Variants in PLCD4 observed in about 807,000 individuals in gnomAD.
PLCD4 encodes 1-phosphatidylinositol 4,5-bisphosphate phosphodiesterase delta-4.
In PLCD4, 63 loss-of-function variants were observed where a neutral mutation model predicts 90.2. That is an observed-to-expected ratio of 0.70 (90% CI 0.57 to 0.86). PLCD4 has a LOEUF of 0.86. Ranked by LOEUF, PLCD4 falls within the 40% of genes least tolerant of loss-of-function variation. The probability of loss-of-function intolerance (pLI) is 0.00; values close to 1 mark genes in which losing one functional copy is unlikely to be tolerated. For synonymous variants in PLCD4, 294 were observed against 356.5 expected (o/e 0.82, Z 1.97); for missense variants, 830 against 956.3 (o/e 0.87, Z 1.74).
chr2:218,628,041 A>C lies in PLCD4; in HGVS notation c.785A>C (p.His262Pro), dbSNP rs1215637192. The change falls in exon 7 of 16, where the codon CAT (histidine) becomes CCT (proline). Residue 262 changes from histidine (H) to proline (P), a missense_variant. Physicochemically the swap from His to Pro is moderately conservative, Grantham distance 77. Transcript: ENST00000450993. ...YEPSDSGKLR[H>P]VLSMDGFLSY... is the part of the protein sequence containing the mutation. ...GTCCACACTCCAGGCAAACTGCGGC[A>C]TGTGCTGAGTATGGATGGCTTCCTC... 6.2e-7 allele frequency: 1 copy of C among 1,613,648 alleles called. No individual in the cohort carries two copies. Among genetic ancestry groups the C allele is most frequent in the East Asian group, 2.2e-5 (1 of 44,874 alleles).
rs1484115283 is a variant in PLCD4 at position 218,635,821 on chromosome 2, A to G, written c.1922A>G (p.Lys641Arg). 4.3e-6 allele frequency: 7 copies of G among 1,613,454 alleles called. No individual in the cohort carries two copies. The highest frequency in any genetic ancestry group is 3.3e-5 in the South Asian group (3 of 90,958). The change falls in exon 14 of 16, where the codon AAA (lysine) becomes AGA (arginine). Residue 641 changes from lysine (K) to arginine (R), a missense_variant. Physicochemically the swap from Lys to Arg is conservative, Grantham distance 26. Coordinates refer to ENST00000450993, the MANE Select transcript of PLCD4 (RefSeq NM_032726.4). ...IQVISGQQLP[K>R]VDKTKEGSIV... Reference sequence around the variant, plus strand: ...GTGATCAGCGGTCAGCAACTCCCCAAAGTGGACAAGACCAAAGAGGGGTCC... The same window carrying G: ...GTGATCAGCGGTCAGCAACTCCCCAGAGTGGACAAGACCAAAGAGGGGTCC...
chr2:218,630,891 CT>C, intron 9 of PLCD4, 89 bp downstream of exon 9: 1 of 1,379,766 alleles, frequency 7.2e-7, no homozygotes, highest in Non-Finnish European at 9.7e-7. Flanking sequence ...TCTTTGTTCC[CT>C]TCTTTCTATC....
chr2:218,611,431 G>A (rs1006151946), intron 1 of PLCD4, among the ~76,000 whole-genome samples: 3 of 152,174 alleles, frequency 2.0e-5, no homozygotes, highest in African/African-American at 7.2e-5. Flanking sequence ...CAGGCGTAAG[G>A]GAAGGTAATG....
Position 218,635,847 on chromosome 2 carries a change from A to C in PLCD4, c.1948A>C (p.Ile650Leu). Residue 650 changes from isoleucine (I) to leucine (L), a missense_variant, in exon 14 of 16, where the codon ATT (isoleucine) becomes CTT (leucine). By Grantham distance (5) the Ile-to-Leu change is conservative. Coordinates refer to ENST00000450993, the MANE Select transcript of PLCD4 (RefSeq NM_032726.4). ...AGTGGACAAGACCAAAGAGGGGTCC[A>C]TTGTGGATCCACTGGTGAAAGTGCA... ...PKVDKTKEGS[I>L]VDPLVKVQIF... The C allele has an allele frequency of 6.2e-7, 1 of 1,613,966 alleles. No homozygotes were observed. Among genetic ancestry groups the C allele is most frequent in the African/African-American group, 1.3e-5 (1 of 75,042 alleles).
rs1178676958 is a variant in PLCD4 at position 218,630,724 on chromosome 2, TCTGA to T, written c.1199_1202del (p.Thr400ArgfsTer8). 23 of 1,613,888 alleles carry T rather than the reference TCTGA, an allele frequency of 1.4e-5. No individual in the cohort carries two copies. Among genetic ancestry groups the T allele is most frequent in the Non-Finnish European group, 1.8e-5 (21 of 1,179,896 alleles). ...AGCAGCAGCAGACCATGGCCCGTCA[TCTGA>T]CTGAGATCCTGGGGGAGCAGCTGCT... On this transcript the variant is annotated frameshift_variant, in exon 9 of 16. Transcript: ENST00000450993. LOFTEE classifies it high-confidence loss of function.
chr2:218,611,118 G>A (rs768695020), intron 1 of PLCD4, among the ~76,000 whole-genome samples: 4 of 152,126 alleles, frequency 2.6e-5, no homozygotes, highest in African/African-American at 7.2e-5. Flanking sequence ...TAGTCCTCGG[G>A]CTCCTTTTCT....
intron 1 of PLCD4, chr2:218,609,214 A>G (rs1481277439): frequency 6.6e-6 from 1 of 151,826 alleles, no homozygotes; most frequent in African/African-American, 2.4e-5. Context: ...TGTCCTCTAT[A>G]TGAACCAGGT....
rs369296354 is a variant in PLCD4 at position 218,628,011 on chromosome 2, C to T, written c.773-18C>T. 11 of 1,602,158 alleles carry T rather than the reference C, an allele frequency of 6.9e-6. No homozygotes were observed. The highest frequency in any genetic ancestry group is 1.7e-6 in the Non-Finnish European group (2 of 1,172,320). ...CATTCAGAGCTTCTCACCTAGTGTT[C>T]CCCTGTCCACACTCCAGGCAAACTG... On this transcript the variant is annotated intron_variant, in intron 6 of 15. Coordinates refer to ENST00000450993, the MANE Select transcript of PLCD4 (RefSeq NM_032726.4).
chr2:218,628,299 A>C, intron 7 of PLCD4, 69 bp downstream of exon 7: 1 of 1,458,702 alleles, frequency 6.9e-7, no homozygotes, highest in Non-Finnish European at 9.5e-7. Context: ...GGGAGCTGTC[A>C]GTGTCTAACA....
intron 8 of PLCD4, 118 bp from the exon 9 acceptor site, chr2:218,630,532 A>G (rs1696314659): frequency 1.7e-6 from 2 of 1,179,678 alleles, no homozygotes; most frequent in Non-Finnish European, 2.5e-6. Context: ...GGAAGAGTTT[A>G]GTGATCAGGG....
At chr2:218,633,901 AG>A (rs1430685467) in intron 11 of PLCD4, 140 bp downstream of exon 11, 8 of 1,233,680 alleles carry the variant, frequency 6.5e-6, no homozygotes, top group Middle Eastern at 1.9e-4. Context: ...AGAGCAGACA[AG>A]GGCAGAGGAG....
At position 218,629,583 on chromosome 2, in the gene PLCD4, G is replaced by A; in HGVS notation, c.1039G>A (p.Val347Ile). 6.2e-7 allele frequency: 1 copy of A among 1,613,846 alleles called. No homozygotes were observed. Among genetic ancestry groups the A allele is most frequent in the Non-Finnish European group, 8.5e-7 (1 of 1,179,876 alleles). Residue 347 changes from valine (V) to isoleucine (I), a missense_variant, in exon 8 of 16, where the codon GTC becomes ATC. By Grantham distance (29) the Val-to-Ile change is conservative. Transcript: ENST00000450993. ...DVWDGPSGEPVVYHGHTLTSR... is the reference protein window; with the variant it reads ...DVWDGPSGEPIVYHGHTLTSR... ...ATGGGATGGACCTAGCGGGGAACCT[G>A]TCGTTTACCACGGACACACCCTGAC...
rs2384950 is a variant in PLCD4 at position 218,634,996 on chromosome 2, T to C, written c.1896+366T>C. ...AGCTTACACCTGTAATCCCAGCGCTTTGGAGGCCAAGGCAGGAGGACTGCT... is the reference window on the plus strand; with the variant it reads ...AGCTTACACCTGTAATCCCAGCGCTCTGGAGGCCAAGGCAGGAGGACTGCT... On this transcript the variant is annotated intron_variant, in intron 13 of 15. Coordinates refer to ENST00000450993, the MANE Select transcript of PLCD4 (RefSeq NM_032726.4). The surrounding 1 kb of genome is among the most constrained non-coding windows in gnomAD (Gnocchi z 4.0). Among the ~76,000 whole-genome samples the C allele has an allele frequency of 0.63, 95,176 of 152,034 alleles. 30,161 individuals carry two copies. The highest frequency in any genetic ancestry group is 0.82 in the East Asian group (4,241 of 5,172).
intron 1 of PLCD4, among the ~76,000 whole-genome samples, chr2:218,611,132 A>G (rs991702993): frequency 6.6e-6 from 1 of 152,148 alleles, no homozygotes; most frequent in Non-Finnish European, 1.5e-5. Context: ...CTTTTCTATA[A>G]AATGAAGTCC....
chr2:218,636,034 C>A, intron 14 of PLCD4, 103 bp downstream of exon 14: 1 of 1,543,018 alleles, frequency 6.5e-7, no homozygotes, highest in Non-Finnish European at 8.8e-7. Flanking sequence ...CATGTCCCCA[C>A]ATGGGAGGCA....
Position 218,628,249 on chromosome 2 carries a change from AG to A in PLCD4, c.974+23del. ...ATATACGGTGCAGTGGTGGTAGAGA[AG>A]GGGTCCAACTCATGAGAGGGACCAT... On this transcript the variant is annotated intron_variant, in intron 7 of 15. Coordinates refer to ENST00000450993, the MANE Select transcript of PLCD4 (RefSeq NM_032726.4). 1 of 1,609,286 alleles carries A rather than the reference AG, an allele frequency of 6.2e-7. No homozygotes were observed. The highest frequency in any genetic ancestry group is 2.2e-5 in the East Asian group (1 of 44,858).
intron 10 of PLCD4, chr2:218,633,304 CAT>C (rs764340872): frequency 1.2e-4 from 85 of 693,030 alleles, no homozygotes; most frequent in Admixed American, 2.0e-5. Context: ...CAGGATATAA[CAT>C]AGAGCAAACA....
Position 218,615,697 on chromosome 2 carries a change from G to A in PLCD4, c.-33-10G>A. 1 of 1,563,684 alleles carries A rather than the reference G, an allele frequency of 6.4e-7. No homozygotes were observed. The highest frequency in any genetic ancestry group is 8.6e-7 in the Non-Finnish European group (1 of 1,157,330). ...CACCCAGAGCCCTTTGCTCTTCCTT[G>A]CTCCTTTAGGTGATCTGGTGCCAGC... On this transcript the variant is annotated splice_polypyrimidine_tract_variant and intron_variant, in intron 1 of 15. Coordinates refer to ENST00000450993, the MANE Select transcript of PLCD4 (RefSeq NM_032726.4).
chr2:218,615,815 G>A, intron 2 of PLCD4, 54 bp downstream of exon 2: 1 of 1,601,608 alleles, frequency 6.2e-7, no homozygotes, highest in South Asian at 1.1e-5. Context: ...GCTCAGGGAA[G>A]GGAAGGAGGT....
Sources: allele counts gnomAD v4.1 joint callset (sites outside exome capture counted in the v4.1 genomes callset), GRCh38; gene constraint gnomAD v4.1.1; non-coding constraint Gnocchi (gnomAD v3.1); transcripts MANE v1.5; gene names NCBI Gene and HGNC (gene_info 2026-07-23, HGNC 2026-07-21).